The following TTLL6 variants were observed in gnomAD, a reference collection of about 807,000 sequenced individuals.
TTLL6 encodes tubulin tyrosine ligase like 6.
Under a neutral mutation model 96.4 loss-of-function variants are expected in TTLL6, and 75 were observed. That is an observed-to-expected ratio of 0.78 (90% CI 0.65 to 0.94). The LOEUF (loss-of-function observed/expected upper bound fraction) is 0.94, where lower values mean the gene tolerates loss of function less well. Ranked by LOEUF, TTLL6 falls within the 40% of genes least tolerant of loss-of-function variation. The pLI, the probability that TTLL6 is intolerant of heterozygous loss-of-function variation, is 0.00. For synonymous variants in TTLL6, 411 were observed against 419.4 expected, an observed-to-expected ratio of 0.98 and a Z score of 0.24; for missense variants, 1,030 against 1,093.0, an observed-to-expected ratio of 0.94 and a Z score of 0.81.
chr17:48,762,636 G>A lies in TTLL6; in HGVS notation c.*338C>T, dbSNP rs570510727. ...AGTCCTTCTCTGAAACACTACTCCC[G>A]AAGTTGCTTTATCTGGGGGAGTATT... is the stretch of plus-strand genomic sequence containing the variant. On this transcript the variant is annotated 3_prime_UTR_variant, in exon 16 of 16. Coordinates refer to ENST00000393382, the MANE Select transcript of TTLL6 (RefSeq NM_001130918.3). 35 of 210,978 alleles carry A rather than the reference G, an allele frequency of 1.7e-4. No individual in the cohort carries two copies. Among genetic ancestry groups the A allele is most frequent in the South Asian group, 1.7e-3 (25 of 15,132 alleles). 13.1% of individuals were successfully genotyped at this position (210,978 alleles called of 1,614,324 possible). A position where few individuals can be genotyped will look rare whatever the true frequency, so the allele number is the denominator to read the frequency against.
Position 48,799,660 on chromosome 17 carries a change from T to C in TTLL6, c.712A>G (p.Thr238Ala). 1 of 1,551,922 alleles carries C rather than the reference T, an allele frequency of 6.4e-7. No individual in the cohort carries two copies. The highest frequency in any genetic ancestry group is 1.2e-5 in the South Asian group (1 of 84,062). Residue 238 changes from threonine to alanine, a missense_variant, in exon 6 of 16, where the codon ACA (threonine) becomes GCA (alanine). Thr to Ala is a moderately conservative substitution (Grantham distance 58, BLOSUM62 0). Coordinates refer to ENST00000393382, the MANE Select transcript of TTLL6 (RefSeq NM_001130918.3). ...CQGKGIFITR[T>A]VKEIKPGEDM... Reference sequence around the variant, plus strand: ...TCCCCTGGTTTGATTTCTTTCACTGTCCGGGTGATGAATATACCTTTCCCT... The same window carrying C: ...TCCCCTGGTTTGATTTCTTTCACTGCCCGGGTGATGAATATACCTTTCCCT...
intron 15 of TTLL6, 89 bp from the exon 16 acceptor site, chr17:48,763,062 C>T (rs1156690465): frequency 2.6e-6 from 1 of 380,878 alleles, no homozygotes; most frequent in Non-Finnish European, 5.1e-6. Flanking sequence ...CCATTCCTAT[C>T]TAGTGGATCA....
chr17:48,806,469 T>C (rs1461473094), intron 1 of TTLL6, among the ~76,000 whole-genome samples: 6 of 152,002 alleles, frequency 3.9e-5, no homozygotes, highest in Non-Finnish European at 5.9e-5. Context: ...TCCCTTCCTC[T>C]CTTCACCTCC....
intron 5 of TTLL6, chr17:48,800,024 A>G (rs1359011497): frequency 2.2e-6 from 1 of 448,028 alleles, no homozygotes; most frequent in Admixed American, 3.4e-5. Flanking sequence ...TGACCTCTCT[A>G]AACCTCAACT....
chr17:48,788,139 A>T (rs2039143817), intron 10 of TTLL6, 140 bp from the exon 11 acceptor site: 1 of 746,078 alleles, frequency 1.3e-6, no homozygotes. Context: ...TGCTAAATAA[A>T]TGCATGACTG....
intron 12 of TTLL6, 37 bp from the exon 13 acceptor site, chr17:48,785,238 A>C: frequency 6.2e-7 from 1 of 1,613,070 alleles, no homozygotes; most frequent in South Asian, 1.1e-5. Context: ...CAGCCATGGG[A>C]ACCCAGCTCT....
chr17:48,779,345 C>T (rs1231895186), intron 13 of TTLL6, among the ~76,000 whole-genome samples: 1 of 110,702 alleles, frequency 9.0e-6, no homozygotes, highest in African/African-American at 3.5e-5. Flanking sequence ...CAGAGCAAGA[C>T]TCTGTCTCAA....
chr17:48,798,298 G>A (rs1206796396), intron 6 of TTLL6, among the ~76,000 whole-genome samples: 4 of 151,960 alleles, frequency 2.6e-5, no homozygotes, highest in African/African-American at 7.3e-5. Context: ...TGGGCACAAG[G>A]GTTCACACCT....
chr17:48,784,884 C>T, intron 13 of TTLL6, 39 bp downstream of exon 13: 1 of 1,569,358 alleles, frequency 6.4e-7, no homozygotes. Flanking sequence ...GTAAGCAAGA[C>T]TCCCACCACT....
intron 6 of TTLL6, among the ~76,000 whole-genome samples, chr17:48,799,277 G>A (rs187878025): frequency 4.3e-4 from 66 of 152,298 alleles, no homozygotes; most frequent in Admixed American, 4.2e-3. Flanking sequence ...AAAGAGAAAA[G>A]CTGATTGCTC....
At chr17:48,796,226 C>T in intron 7 of TTLL6, 80 bp from the exon 8 acceptor site, 4 of 1,155,300 alleles carry the variant, frequency 3.5e-6, no homozygotes, top group Non-Finnish European at 5.0e-6. Context: ...TCCCATGGCC[C>T]CTGGGGCTTG....
At chr17:48,804,221 C>T (rs2039469367) in intron 2 of TTLL6, 3 of 558,620 alleles carry the variant, frequency 5.4e-6, no homozygotes, top group Non-Finnish European at 1.0e-5. Flanking sequence ...AAGCCTTTTA[C>T]TCCACTGGCT....
At chr17:48,766,689 C>T (rs190570857) in intron 15 of TTLL6, among the ~76,000 whole-genome samples, 1 of 152,250 alleles carries the variant, frequency 6.6e-6, no homozygotes, top group East Asian at 1.9e-4. Context: ...CATGGCAAAA[C>T]CCTATATCTA....
chr17:48,787,974 C>A lies in TTLL6; in HGVS notation c.1426G>T (p.Ala476Ser). 6.2e-7 allele frequency: 1 copy of A among 1,614,032 alleles called. No homozygotes were observed. The highest frequency in any genetic ancestry group is 8.5e-7 in the Non-Finnish European group (1 of 1,179,988). ...MRIEEAKGFR[A>S]VQLKKTETYE... ...GTTTCAGTTTTCTTTAACTGCACGG[C>A]CCGGAAACCCTTGGCTTCCTCAATC... is the stretch of plus-strand genomic sequence containing the variant. The change falls in exon 11 of 16, where the codon GCC (alanine) becomes TCC (serine). Residue 476 changes from alanine (A) to serine (S), a missense_variant. Ala to Ser is a moderately conservative substitution (Grantham distance 99). Transcript: ENST00000393382.
chr17:48,769,603 G>T, intron 14 of TTLL6, 125 bp downstream of exon 14: 5 of 1,214,018 alleles, frequency 4.1e-6, no homozygotes, highest in Non-Finnish European at 5.8e-6. Flanking sequence ...TCAGACTGGG[G>T]TTTCCCTGAA....
intron 8 of TTLL6, among the ~76,000 whole-genome samples, chr17:48,793,402 G>A (rs891962807): frequency 1.3e-5 from 2 of 152,128 alleles, no homozygotes; most frequent in Non-Finnish European, 2.9e-5. Flanking sequence ...AGTTATGGGC[G>A]ATGGCTGATG....
intron 1 of TTLL6, among the ~76,000 whole-genome samples, chr17:48,809,493 G>A (rs967023782): frequency 1.3e-5 from 2 of 152,122 alleles, no homozygotes; most frequent in Non-Finnish European, 2.9e-5. Flanking sequence ...CTAGAAGTGC[G>A]GGTTCTCTTT....
chr17:48,797,203 G>C lies in TTLL6; in HGVS notation c.770C>G (p.Pro257Arg), dbSNP rs751054734. ...AAACTTAAACCCATCAATGATAAAG[G>C]GCTGGAAGGAGAGAACAGAAGTCAG... ...DMICQLYISK[P>R]FIIDGFKFDL... Residue 257 changes from proline to arginine, a missense_variant and splice_region_variant, in exon 7 of 16, where the codon CCC becomes CGC. Coordinates refer to ENST00000393382, the MANE Select transcript of TTLL6 (RefSeq NM_001130918.3). The C allele has an allele frequency of 1.1e-4, 169 of 1,547,994 alleles. No individual in the cohort carries two copies. Among genetic ancestry groups the C allele is most frequent in the Non-Finnish European group, 1.4e-4 (160 of 1,144,808 alleles).
intron 15 of TTLL6, among the ~76,000 whole-genome samples, chr17:48,768,211 T>A (rs1462369526): frequency 1.3e-5 from 2 of 152,034 alleles, no homozygotes; most frequent in Non-Finnish European, 2.9e-5. Context: ...CCTCCTACCT[T>A]GGCCTCCCAA....
Sources: allele counts gnomAD v4.1 joint callset (sites outside exome capture counted in the v4.1 genomes callset), GRCh38; gene constraint gnomAD v4.1.1; transcripts MANE v1.5; gene names NCBI Gene and HGNC (gene_info 2026-07-23, HGNC 2026-07-21).